Variants in AFG2A observed in about 807,000 individuals in gnomAD.
The protein encoded by AFG2A is AAA ATPase AFG2A.
At chr4:122,936,026 T>C in the AFG2A span, 68 of 1,396,340 alleles carry the variant, frequency 4.9e-5, no homozygotes, top group South Asian at 8.1e-4. Flanking sequence ...ATATTGAAAA[T>C]TTAGGTTAGC....
chr4:122,985,125 CTT>C, the AFG2A span, among the ~76,000 whole-genome samples: 23 of 138,638 alleles, frequency 1.7e-4, no homozygotes, highest in African/African-American at 2.9e-4. Flanking sequence ...TTTTTTTTTT[CTT>C]TTTTTTTTTT....
At chr4:123,184,144 G>A in the AFG2A span, among the ~76,000 whole-genome samples, 36 of 152,164 alleles carry the variant, frequency 2.4e-4, no homozygotes, top group South Asian at 6.2e-3. Flanking sequence ...GTAAAGGGAA[G>A]CTGGTGTATG....
the AFG2A span, among the ~76,000 whole-genome samples, chr4:123,149,798 CTTTT>C: frequency 5.8e-3 from 699 of 121,358 alleles, no homozygotes; most frequent in African/African-American, 0.026. Context: ...TAGGAAATAG[CTTTT>C]TTTTTTTTTT....
chr4:123,315,096 A>G, the AFG2A span: 1 of 151,522 alleles, frequency 6.6e-6, no homozygotes, highest in South Asian at 2.1e-4. Flanking sequence ...AATGCTTTTA[A>G]TAAATCATAT....
At chr4:123,173,624 G>T in the AFG2A span, among the ~76,000 whole-genome samples, 1 of 152,002 alleles carries the variant, frequency 6.6e-6, no homozygotes, top group Non-Finnish European at 1.5e-5. Context: ...AAAGTGCTGG[G>T]ATTATAGGCC....
the AFG2A span, among the ~76,000 whole-genome samples, chr4:123,244,036 AACTC>A: frequency 6.6e-6 from 1 of 152,136 alleles, no homozygotes; most frequent in African/African-American, 2.4e-5. Context: ...AAATAAATAA[AACTC>A]AGTAAGTAAT....
chr4:122,939,022 T>TA, the AFG2A span, among the ~76,000 whole-genome samples: 231 of 148,634 alleles, frequency 1.6e-3, 1 homozygote, highest in Admixed American at 4.4e-3. Flanking sequence ...GTATAACATT[T>TA]AAAAAAAAAC....
the AFG2A span, among the ~76,000 whole-genome samples, chr4:123,113,903 T>C: frequency 1.3e-5 from 2 of 152,034 alleles, no homozygotes; most frequent in African/African-American, 4.8e-5. Flanking sequence ...AGTGTTGAGC[T>C]CTCAGCAGAG....
chr4:123,026,884 C>T, the AFG2A span, among the ~76,000 whole-genome samples: 7 of 152,174 alleles, frequency 4.6e-5, no homozygotes, highest in African/African-American at 1.7e-4. Flanking sequence ...GCATCATATT[C>T]CTTAGTTCCC....
chr4:123,297,454 G>A, the AFG2A span, among the ~76,000 whole-genome samples: 1 of 152,132 alleles, frequency 6.6e-6, no homozygotes, highest in Non-Finnish European at 1.5e-5. Flanking sequence ...GGGTGTGGTG[G>A]CTCATGCCTG....
chr4:122,936,005 G>C, the AFG2A span: 1 of 1,300,856 alleles, frequency 7.7e-7, no homozygotes, highest in African/African-American at 1.5e-5. Flanking sequence ...GTAATTTTAA[G>C]TATTATAGAA....
At chr4:123,007,596 G>GTGTGTGT in the AFG2A span, among the ~76,000 whole-genome samples, 5 of 8,176 alleles carry the variant, frequency 6.1e-4, 1 homozygote, top group African/African-American at 1.2e-3. Flanking sequence ...GTGTGTGTGT[G>GTGTGTGT]TGTGTGTGTG....
the AFG2A span, among the ~76,000 whole-genome samples, chr4:122,940,092 A>G: frequency 7.9e-5 from 12 of 152,162 alleles, no homozygotes; most frequent in African/African-American, 2.9e-4. Flanking sequence ...CAATAAACAT[A>G]CGTGTGCATG....
chr4:123,042,033 C>A, the AFG2A span, among the ~76,000 whole-genome samples: 1 of 152,090 alleles, frequency 6.6e-6, no homozygotes, highest in African/African-American at 2.4e-5. Flanking sequence ...TCTTCCTATC[C>A]CTTTCTTATT....
chr4:123,022,005 T>C, the AFG2A span, among the ~76,000 whole-genome samples: 1 of 151,080 alleles, frequency 6.6e-6, no homozygotes, highest in African/African-American at 2.4e-5. Context: ...TGAAACTGGA[T>C]CCCTTCCTTA....
At chr4:123,104,516 AT>A in the AFG2A span, among the ~76,000 whole-genome samples, 2 of 152,212 alleles carry the variant, frequency 1.3e-5, no homozygotes, top group African/African-American at 4.8e-5. Flanking sequence ...AATGCTAGAA[AT>A]GATTAAGTTT....
the AFG2A span, among the ~76,000 whole-genome samples, chr4:123,188,772 A>C: frequency 6.6e-6 from 1 of 152,250 alleles, no homozygotes; most frequent in Non-Finnish European, 1.5e-5. Flanking sequence ...AAAGGATAGA[A>C]TCATGAAGGC....
At chr4:123,061,472 G>A in the AFG2A span, among the ~76,000 whole-genome samples, 4 of 152,294 alleles carry the variant, frequency 2.6e-5, no homozygotes, top group East Asian at 3.9e-4. Flanking sequence ...CATGTCTTAC[G>A]TGGTGGCAGG....
the AFG2A span, among the ~76,000 whole-genome samples, chr4:122,931,167 C>T: frequency 0.012 from 1,779 of 152,170 alleles, 54 homozygotes; most frequent in South Asian, 0.11. Context: ...TTTGTAAATA[C>T]CTTCTATTCA....
Sources: allele counts gnomAD v4.1 joint callset (sites outside exome capture counted in the v4.1 genomes callset), GRCh38; gene constraint gnomAD v4.1.1; transcripts MANE v1.5; gene names NCBI Gene and HGNC (gene_info 2026-07-23, HGNC 2026-07-21).